The following MAP3K21 variants were observed in gnomAD, a reference collection of about 807,000 sequenced individuals.
MAP3K21 encodes the protein mitogen-activated protein kinase kinase kinase 21, also known as mitogen-activated protein kinase kinase kinase MLK4.
Under a neutral mutation model 86.1 loss-of-function variants are expected in MAP3K21, and 63 were observed. That is an observed-to-expected ratio of 0.73 (90% CI 0.60 to 0.90). The LOEUF (loss-of-function observed/expected upper bound fraction) is 0.90, where lower values mean the gene tolerates loss of function less well. MAP3K21 is among the 40% of genes least tolerant of loss of function. The pLI, the probability that MAP3K21 is intolerant of heterozygous loss-of-function variation, is 0.00. For missense variants in MAP3K21, 1,220 were observed against 1,367.7 expected (o/e 0.89, Z 1.70); for synonymous variants, 558 against 564.8 (o/e 0.99, Z 0.17).
chr1:233,360,436 A>T (rs1194679350), intron 4 of MAP3K21, among the ~76,000 whole-genome samples: 1 of 152,198 alleles, frequency 6.6e-6, no homozygotes, highest in Non-Finnish European at 1.5e-5. Context: ...TGATTTAAAC[A>T]TCATTTGGTC....
intron 5 of MAP3K21, among the ~76,000 whole-genome samples, chr1:233,367,585 C>T (rs138565175): frequency 9.8e-4 from 149 of 152,262 alleles, no homozygotes; most frequent in African/African-American, 3.3e-3. Flanking sequence ...GTTGGCTGGG[C>T]GTGGTGGCTC....
At chr1:233,374,753 GTATT>G (rs924652241) in intron 6 of MAP3K21, among the ~76,000 whole-genome samples, 2 of 151,516 alleles carry the variant, frequency 1.3e-5, no homozygotes, top group African/African-American at 4.9e-5. Context: ...TAATGAAAAT[GTATT>G]TATTATATGT....
chr1:233,357,164 A>G (rs1193604604), intron 4 of MAP3K21, among the ~76,000 whole-genome samples: 1 of 152,170 alleles, frequency 6.6e-6, no homozygotes, highest in African/African-American at 2.4e-5. Flanking sequence ...ACAAAAAACC[A>G]AACACTGCAT....
At chr1:233,346,343 T>C in intron 1 of MAP3K21, 99 bp from the exon 2 acceptor site, 1 of 887,902 alleles carries the variant, frequency 1.1e-6, no homozygotes, top group Middle Eastern at 3.5e-4. Context: ...TTGTTTATTC[T>C]GCCAACTACA....
At chr1:233,337,729 G>A (rs1216005619) in intron 1 of MAP3K21, among the ~76,000 whole-genome samples, 2 of 152,150 alleles carry the variant, frequency 1.3e-5, no homozygotes, top group East Asian at 1.9e-4. Context: ...CTGGTGACTT[G>A]GGTTGATAAG....
At chr1:233,334,072 A>G in intron 1 of MAP3K21, among the ~76,000 whole-genome samples, 1 of 151,624 alleles carries the variant, frequency 6.6e-6, no homozygotes, top group Admixed American at 6.6e-5. Context: ...TCACCGTGTT[A>G]GCCAGGATGG....
At chr1:233,343,988 C>T (rs568695687) in intron 1 of MAP3K21, among the ~76,000 whole-genome samples, 245 of 152,294 alleles carry the variant, frequency 1.6e-3, no homozygotes, top group Non-Finnish European at 2.4e-3. Flanking sequence ...ATTAGAGCCT[C>T]GTGGACAACC....
At chr1:233,359,896 A>G (rs2102757571) in intron 4 of MAP3K21, among the ~76,000 whole-genome samples, 2 of 152,370 alleles carry the variant, frequency 1.3e-5, no homozygotes, top group South Asian at 4.1e-4. Flanking sequence ...TTCAGAAGGA[A>G]GATTACTTTT....
At chr1:233,377,042 C>A (rs7552426) in intron 8 of MAP3K21, among the ~76,000 whole-genome samples, 12,656 of 151,982 alleles carry the variant, frequency 0.083, 668 homozygotes, top group Middle Eastern at 0.2. Flanking sequence ...TGGCAGTGAG[C>A]CAAGATTGTG....
chr1:233,357,592 G>A (rs1186961271), intron 4 of MAP3K21, among the ~76,000 whole-genome samples: 2 of 152,088 alleles, frequency 1.3e-5, no homozygotes, highest in African/African-American at 4.8e-5. Context: ...AATCCCACCT[G>A]CCCTGTTCTG....
chr1:233,350,030 T>A (rs1247236160), intron 2 of MAP3K21, among the ~76,000 whole-genome samples: 1 of 151,776 alleles, frequency 6.6e-6, no homozygotes, highest in Admixed American at 6.6e-5. Context: ...TCACCTGAGG[T>A]TTTTTCCCGT....
At chr1:233,357,184 C>T (rs1427026330) in intron 4 of MAP3K21, among the ~76,000 whole-genome samples, 1 of 152,068 alleles carries the variant, frequency 6.6e-6, no homozygotes, top group African/African-American at 2.4e-5. Flanking sequence ...TGTTCTCACT[C>T]ATAGGTGGGA....
intron 9 of MAP3K21, among the ~76,000 whole-genome samples, chr1:233,380,658 AG>A (rs756640547): frequency 1.3e-5 from 2 of 152,232 alleles, no homozygotes; most frequent in Non-Finnish European, 2.9e-5. Flanking sequence ...ATTCAACAAG[AG>A]GGGCTTGGGC....
At chr1:233,367,098 G>A (rs921800492) in intron 5 of MAP3K21, among the ~76,000 whole-genome samples, 2 of 152,060 alleles carry the variant, frequency 1.3e-5, no homozygotes, top group Admixed American at 6.6e-5. Context: ...TTTTGGACAC[G>A]TTAATACAAG....
intron 2 of MAP3K21, among the ~76,000 whole-genome samples, chr1:233,348,153 C>T (rs1181637838): frequency 6.6e-6 from 1 of 152,180 alleles, no homozygotes; most frequent in African/African-American, 2.4e-5. Context: ...CCAACTCCCC[C>T]TTCCCTCTCA....
chr1:233,335,376 A>C (rs1182121173), intron 1 of MAP3K21, among the ~76,000 whole-genome samples: 2 of 152,168 alleles, frequency 1.3e-5, no homozygotes, highest in Non-Finnish European at 2.9e-5. Flanking sequence ...ATAATTGCAA[A>C]ACCACGATTA....
intron 4 of MAP3K21, among the ~76,000 whole-genome samples, chr1:233,358,774 G>A (rs780140524): frequency 6.6e-6 from 1 of 151,320 alleles, no homozygotes; most frequent in Non-Finnish European, 1.5e-5. Context: ...CAGCCTGGGC[G>A]ACAGAGCAAG....
chr1:233,347,459 T>C (rs1251560996), intron 2 of MAP3K21, among the ~76,000 whole-genome samples: 1 of 152,202 alleles, frequency 6.6e-6, no homozygotes, highest in African/African-American at 2.4e-5. Context: ...ATAGTTATGA[T>C]GCACCTAGAA....
At chr1:233,369,220 CAAA>C (rs35461412) in intron 5 of MAP3K21, among the ~76,000 whole-genome samples, 4 of 105,638 alleles carry the variant, frequency 3.8e-5, no homozygotes, top group East Asian at 3.0e-4. Flanking sequence ...TAGTAAAATA[CAAA>C]AAAAAAAAAA....
Sources: allele counts gnomAD v4.1 joint callset (sites outside exome capture counted in the v4.1 genomes callset), GRCh38; gene constraint gnomAD v4.1.1; transcripts MANE v1.5; gene names NCBI Gene and HGNC (gene_info 2026-07-23, HGNC 2026-07-21).